Variants in LPCAT2 observed in about 807,000 individuals in gnomAD.
LPCAT2 encodes the protein lysophosphatidylcholine acyltransferase 2.
In LPCAT2, 58 loss-of-function variants were observed where a neutral mutation model predicts 64.7. That is an observed-to-expected ratio of 0.90 (90% CI 0.73 to 1.12). LPCAT2 has a LOEUF of 1.12. LPCAT2 is among the 50% of genes most tolerant of loss of function. LPCAT2 has a pLI of 0.00. For missense variants in LPCAT2, 579 were observed against 669.8 expected, an observed-to-expected ratio of 0.86 and a Z score of 1.50; for synonymous variants, 252 against 245.3, an observed-to-expected ratio of 1.03 and a Z score of -0.26.
In LPCAT2 at chr16:55,509,190, G is replaced by C. The variant is rs780492892; in HGVS notation, c.9G>C (p.Arg3=). ...CTACGCCCGGCTCAACTATGAGCCG[G>C]TGCGCCCAGGCGGCGGAAGTGGCGG... MS[R]CAQAAEVAAT... The change falls in exon 1 of 14, where the codon CGG becomes CGC. Residue 3 remains arginine, a synonymous_variant. Coordinates refer to ENST00000262134, the MANE Select transcript of LPCAT2 (RefSeq NM_017839.5). 67 of 1,398,874 alleles carry C rather than the reference G, an allele frequency of 4.8e-5. No individual in the cohort carries two copies. The African/African-American group carries it at 7.9e-4, about 16-fold the overall frequency. The allele number at this position is 1,398,874 out of a possible 1,614,324, so 86.7% of individuals were successfully genotyped here. A position where few individuals can be genotyped will look rare whatever the true frequency, so the allele number is the denominator to read the frequency against.
At chr16:55,550,694 T>A (rs1963506556) in intron 10 of LPCAT2, among the ~76,000 whole-genome samples, 2 of 152,156 alleles carry the variant, frequency 1.3e-5, no homozygotes, top group Admixed American at 1.3e-4. Flanking sequence ...GGCAGGCGGA[T>A]CACGAGGTCA....
rs780823856 is a variant in LPCAT2 at position 55,574,655 on chromosome 16, C to T, written c.1240C>T (p.Arg414Ter). ...GAACCATGATGGCAGCATTGACTTC[C>T]GAGAGTATGTGATTGGCCTGGCTGT... ...DRNHDGSIDF[R>*]EYVIGLAVLC... is the part of the protein sequence containing the mutation. The change falls in exon 12 of 14, where the codon CGA (arginine) becomes TGA (stop). Residue 414 changes from arginine (R) to a stop codon, truncating the protein, a stop_gained. Transcript: ENST00000262134. LOFTEE classifies it high-confidence loss of function. 8 of 1,613,190 alleles carry T rather than the reference C, an allele frequency of 5.0e-6. No homozygotes were observed. The highest frequency in any genetic ancestry group is 1.3e-5 in the African/African-American group (1 of 74,810).
At chr16:55,527,920 A>G (rs371196653) in intron 2 of LPCAT2, among the ~76,000 whole-genome samples, 15 of 152,330 alleles carry the variant, frequency 9.8e-5, no homozygotes, top group Admixed American at 2.6e-4. Context: ...AGATAGTAGC[A>G]TCTTCATTAC....
chr16:55,534,071 A>G (rs563120020), intron 6 of LPCAT2, among the ~76,000 whole-genome samples: 7 of 152,130 alleles, frequency 4.6e-5, no homozygotes, highest in Non-Finnish European at 1.0e-4. Context: ...TGTTCATATT[A>G]TTTTATTTCC....
In LPCAT2 at chr16:55,509,117, CG is replaced by C; in HGVS notation, c.-63del. 1 of 1,265,652 alleles carries C rather than the reference CG, an allele frequency of 7.9e-7. No individual in the cohort carries two copies. The highest frequency in any genetic ancestry group is 1.0e-6 in the Non-Finnish European group (1 of 994,036). 78.4% of individuals were successfully genotyped at this position (1,265,652 alleles called of 1,614,324 possible). A position where few individuals can be genotyped will look rare whatever the true frequency, so the allele number is the denominator to read the frequency against. On this transcript the variant is annotated 5_prime_UTR_variant, in exon 1 of 14. Coordinates refer to ENST00000262134, the MANE Select transcript of LPCAT2 (RefSeq NM_017839.5). The stretch of plus-strand genomic sequence containing the variant: ...CTAGGCTGGGACTCTAGTAGGTCTT[CG>C]GCTCAGTTTTGGCTGCAGCGCCCGC...
chr16:55,532,671 T>C, intron 5 of LPCAT2, 153 bp from the exon 6 acceptor site: 1 of 418,532 alleles, frequency 2.4e-6, no homozygotes, highest in Non-Finnish European at 4.3e-6. Flanking sequence ...CTCATTTTGG[T>C]AAGCACTAGG....
At chr16:55,581,070 C>T (rs1361394661) in intron 13 of LPCAT2, among the ~76,000 whole-genome samples, 1 of 152,150 alleles carries the variant, frequency 6.6e-6, no homozygotes, top group Non-Finnish European at 1.5e-5. Flanking sequence ...AATTAATGCT[C>T]AAATTCCACA....
At chr16:55,574,311 G>A (rs746969669) in intron 11 of LPCAT2, among the ~76,000 whole-genome samples, 2 of 152,202 alleles carry the variant, frequency 1.3e-5, no homozygotes, top group African/African-American at 2.4e-5. Context: ...CACAAAGGAT[G>A]AAACTCATAG....
chr16:55,560,251 G>T (rs1277097397), intron 11 of LPCAT2, among the ~76,000 whole-genome samples: 2 of 152,104 alleles, frequency 1.3e-5, no homozygotes, highest in Admixed American at 6.6e-5. Flanking sequence ...AAAGGCTTTT[G>T]ATTTCATCCA....
At chr16:55,521,292 G>A (rs1963091973) in intron 1 of LPCAT2, among the ~76,000 whole-genome samples, 1 of 151,694 alleles carries the variant, frequency 6.6e-6, no homozygotes, top group Non-Finnish European at 1.5e-5. Flanking sequence ...TAGAAAATAT[G>A]AATAGCCCTT....
At chr16:55,550,080 C>CTT (rs1398800974) in intron 10 of LPCAT2, among the ~76,000 whole-genome samples, 1 of 151,950 alleles carries the variant, frequency 6.6e-6, no homozygotes, top group African/African-American at 2.4e-5. Context: ...TATCAAAGTT[C>CTT]AGTATTAAAG....
chr16:55,537,525 A>G, intron 7 of LPCAT2, 53 bp from the exon 8 acceptor site: 3 of 1,348,522 alleles, frequency 2.2e-6, no homozygotes, highest in South Asian at 1.2e-5. Flanking sequence ...TGAATAATAT[A>G]AGATGATACT....
intron 12 of LPCAT2, 152 bp from the exon 13 acceptor site, chr16:55,578,957 T>G (rs1253830976): frequency 2.9e-6 from 2 of 696,910 alleles, no homozygotes; most frequent in Non-Finnish European, 2.5e-6. Flanking sequence ...CTACAGGTGT[T>G]GTGAGGGTAG....
intron 1 of LPCAT2, among the ~76,000 whole-genome samples, chr16:55,523,338 C>A (rs1963124401): frequency 6.6e-6 from 1 of 151,734 alleles, no homozygotes; most frequent in Non-Finnish European, 1.5e-5. Flanking sequence ...GTAACAGGAA[C>A]TCTCATACCT....
chr16:55,523,210 T>G (rs1340076453), intron 1 of LPCAT2, among the ~76,000 whole-genome samples: 2 of 151,726 alleles, frequency 1.3e-5, no homozygotes, highest in Non-Finnish European at 3.0e-5. Context: ...TGTTCAACAT[T>G]ATTGTTCATC....
chr16:55,541,805 T>C (rs1963400491), intron 8 of LPCAT2: 1 of 1,212,072 alleles, frequency 8.3e-7, no homozygotes, highest in Non-Finnish European at 1.1e-6. Context: ...AAGTGTTCAA[T>C]AAGCACTAAC....
intron 11 of LPCAT2, chr16:55,566,622 C>T: frequency 1.1e-6 from 1 of 901,090 alleles, no homozygotes; most frequent in Non-Finnish European, 1.6e-6. Flanking sequence ...TGAAACATCA[C>T]ATCATGGGGC....
At chr16:55,567,409 C>T in intron 11 of LPCAT2, 1 of 1,613,756 alleles carries the variant, frequency 6.2e-7, no homozygotes, top group Non-Finnish European at 8.5e-7. Context: ...CGCCTGGATG[C>T]CATGTTTCGT....
At chr16:55,551,336 A>C (rs1963515808) in intron 11 of LPCAT2, 1 of 30,188 alleles carries the variant, frequency 3.3e-5, no homozygotes, top group African/African-American at 7.9e-5. Context: ...ATATCATATC[A>C]TATCATATAT....
Sources: allele counts gnomAD v4.1 joint callset (sites outside exome capture counted in the v4.1 genomes callset), GRCh38; gene constraint gnomAD v4.1.1; transcripts MANE v1.5; gene names NCBI Gene and HGNC (gene_info 2026-07-23, HGNC 2026-07-21).